Variants in COL24A1 observed in about 807,000 individuals in gnomAD.
COL24A1 encodes the protein collagen type XXIV alpha 1 chain, also known as collagen alpha-1(XXIV) chain.
COL24A1 carries 224 observed loss-of-function variants against 253.9 expected under a neutral mutation model. The observed-to-expected ratio is 0.88, with a 90% CI of 0.79 to 0.99. The LOEUF (loss-of-function observed/expected upper bound fraction) is 0.99, where lower values mean the gene tolerates loss of function less well. Among genes scored for constraint, COL24A1 ranks in the 50% least tolerant of loss-of-function variants. COL24A1 has a pLI of 0.00. For synonymous variants in COL24A1, 685 were observed against 673.7 expected (o/e 1.02, Z -0.26); for missense variants, 2,131 against 2,068.5 (o/e 1.03, Z -0.59).
intron 3 of COL24A1, among the ~76,000 whole-genome samples, chr1:86,117,984 G>T (rs1434606939): frequency 6.6e-6 from 1 of 151,912 alleles, no homozygotes; most frequent in Non-Finnish European, 1.5e-5. Flanking sequence ...GTTATTGTGA[G>T]TATTAAAGCT....
At chr1:85,988,100 T>TTA (rs1553251837) in intron 19 of COL24A1, among the ~76,000 whole-genome samples, 3 of 147,466 alleles carry the variant, frequency 2.0e-5, no homozygotes, top group East Asian at 2.0e-4. Context: ...TTCTGTCTGA[T>TTA]AAAAAAAAAA....
At chr1:85,868,649 T>C (rs778764144) in intron 36 of COL24A1, 23 bp from the exon 37 acceptor site, 35 of 1,590,760 alleles carry the variant, frequency 2.2e-5, no homozygotes, top group Middle Eastern at 3.3e-4. Flanking sequence ...AAAAAAGTTT[T>C]CTATAAAGGA....
At chr1:85,894,556 T>A (rs1316447437) in intron 31 of COL24A1, among the ~76,000 whole-genome samples, 2 of 143,868 alleles carry the variant, frequency 1.4e-5, no homozygotes, top group African/African-American at 5.2e-5. Flanking sequence ...ATTTTTTTTT[T>A]AAATGAGAGG....
intron 29 of COL24A1, 51 bp from the exon 30 acceptor site, chr1:85,896,116 T>C: frequency 6.4e-6 from 10 of 1,571,476 alleles, no homozygotes; most frequent in Non-Finnish European, 8.7e-6. Context: ...AATTATGGTC[T>C]TACTATGCTA....
At position 86,101,815 on chromosome 1, in the gene COL24A1, A is replaced by G. The variant is rs112059396; in HGVS notation, c.1600-9495T>C. 4.7e-3 allele frequency among the ~76,000 whole-genome samples: 718 copies of G among 152,270 alleles called. 4 individuals are homozygous for G. Among genetic ancestry groups the G allele is most frequent in the African/African-American group, 0.016 (681 of 41,558 alleles). On this transcript the variant is annotated intron_variant, in intron 5 of 59. Coordinates refer to ENST00000370571, the MANE Select transcript of COL24A1 (RefSeq NM_152890.7). ...TATTTTGTTGAGAATTTTTGCATCA[A>G]TGTTCATCAAGGATGTTGGCATACA...
Position 86,063,258 on chromosome 1 carries a change from G to A in COL24A1, c.1752+457C>T, listed in dbSNP as rs998387484. Among the ~76,000 whole-genome samples, 4 of 151,926 alleles carry A rather than the reference G, an allele frequency of 2.6e-5. No individual in the cohort carries two copies. In the East Asian group the frequency reaches 7.7e-4, roughly 29 times the overall value. On this transcript the variant is annotated intron_variant, in intron 8 of 59. Transcript: ENST00000370571. ...TTTGGACTGTTATTGAAATTTATTT[G>A]CATTTCCTCAGGAAAAGGTCAGGGA...
intron 19 of COL24A1, among the ~76,000 whole-genome samples, chr1:85,994,288 T>G (rs116625447): frequency 0.01 from 1,523 of 152,062 alleles, 30 homozygotes; most frequent in African/African-American, 0.035. Context: ...TGTGTATATA[T>G]AGTATTATTG....
At chr1:85,824,927 ATTAT>A (rs1674068808) in intron 43 of COL24A1, among the ~76,000 whole-genome samples, 1 of 149,008 alleles carries the variant, frequency 6.7e-6, no homozygotes, top group African/African-American at 2.5e-5. Context: ...TATTATTATT[ATTAT>A]TATTATTATA....
chr1:85,754,416 T>C (rs1464436435), intron 55 of COL24A1, among the ~76,000 whole-genome samples: 5 of 84,524 alleles, frequency 5.9e-5, no homozygotes, highest in South Asian at 5.5e-4. Flanking sequence ...AGGGATAGCA[T>C]TGGGAGATAT....
intron 12 of COL24A1, among the ~76,000 whole-genome samples, chr1:86,043,107 A>T (rs1699628442): frequency 6.6e-6 from 1 of 152,198 alleles, no homozygotes; most frequent in Non-Finnish European, 1.5e-5. Flanking sequence ...CTGGGCTTAA[A>T]TTCAGAATCT....
chr1:86,123,971 T>C (rs1647817351), intron 3 of COL24A1, among the ~76,000 whole-genome samples: 1 of 151,892 alleles, frequency 6.6e-6, no homozygotes, highest in Non-Finnish European at 1.5e-5. Context: ...TATATTTTAA[T>C]CTACTTGAAA....
intron 37 of COL24A1, among the ~76,000 whole-genome samples, chr1:85,858,687 CCTT>C (rs1405412652): frequency 6.0e-5 from 9 of 150,244 alleles, no homozygotes; most frequent in Admixed American, 1.3e-4. Flanking sequence ...TTCCCTCCGT[CCTT>C]CTTCCCTCCC....
chr1:85,854,838 G>A (rs1025482002), intron 37 of COL24A1, among the ~76,000 whole-genome samples: 3 of 151,926 alleles, frequency 2.0e-5, no homozygotes, highest in African/African-American at 7.3e-5. Context: ...TGAGTAGCTG[G>A]GACTACAGGT....
At chr1:86,089,319 C>A in intron 6 of COL24A1, 92 bp from the exon 7 acceptor site, 1 of 1,002,030 alleles carries the variant, frequency 1.0e-6, no homozygotes, top group Non-Finnish European at 1.5e-6. Flanking sequence ...TTTTGGACAT[C>A]AGCTCTTATT....
At chr1:85,922,987 T>C (rs1404985427) in intron 24 of COL24A1, among the ~76,000 whole-genome samples, 2 of 81,292 alleles carry the variant, frequency 2.5e-5, no homozygotes, top group Non-Finnish European at 5.0e-5. Context: ...ACCAAGCAAA[T>C]GGAGAACAAA....
chr1:86,015,866 T>G (rs1270135696), intron 19 of COL24A1, among the ~76,000 whole-genome samples: 2 of 150,728 alleles, frequency 1.3e-5, no homozygotes, highest in Non-Finnish European at 3.0e-5. Context: ...AATGAAGTTT[T>G]GAAGACTCTA....
At chr1:85,908,066 TA>T (rs1685009681) in intron 27 of COL24A1, among the ~76,000 whole-genome samples, 1 of 151,792 alleles carries the variant, frequency 6.6e-6, no homozygotes, top group Non-Finnish European at 1.5e-5. Flanking sequence ...CAGGGGATCC[TA>T]AAGGCCGATC....
chr1:85,997,055 G>GTATATATATATA (rs59071699), intron 19 of COL24A1, among the ~76,000 whole-genome samples: 45 of 95,114 alleles, frequency 4.7e-4, no homozygotes, highest in African/African-American at 1.2e-3. Flanking sequence ...GTGTGTGTGT[G>GTATATATATATA]TATATATATA....
At chr1:85,816,035 G>A (rs1240398917) in intron 47 of COL24A1, among the ~76,000 whole-genome samples, 3 of 151,652 alleles carry the variant, frequency 2.0e-5, no homozygotes, top group African/African-American at 7.3e-5. Context: ...TGGGCCCACT[G>A]GCACAAATCC....
Sources: allele counts gnomAD v4.1 joint callset (sites outside exome capture counted in the v4.1 genomes callset), GRCh38; gene constraint gnomAD v4.1.1; transcripts MANE v1.5; gene names NCBI Gene and HGNC (gene_info 2026-07-23, HGNC 2026-07-21).